Variants in COPS6 observed in about 807,000 individuals in gnomAD.
COPS6 encodes the protein COP9 signalosome subunit 6.
COPS6 carries 9 observed loss-of-function variants against 41.0 expected under a neutral mutation model. The ratio of observed to expected loss-of-function variants is 0.22; its 90% confidence interval spans 0.13 to 0.38. The LOEUF is 0.38. COPS6 is among the 10% of genes least tolerant of loss of function. COPS6 has a pLI of 1.00. For synonymous variants in COPS6, 179 were observed against 162.9 expected (o/e 1.10, Z -0.75); for missense variants, 302 against 436.7 (o/e 0.69, Z 2.75).
In COPS6 at chr7:100,089,084, G is replaced by T; in HGVS notation, c.76+18G>T. On this transcript the variant is annotated intron_variant, in intron 1 of 9. Transcript: ENST00000303904. ...TGCAGCAGGTAACGGGCCGTGCGGG[G>T]GTGGCTTCCGGAGACCTCCTTCAGG... 1 of 1,421,238 alleles carries T rather than the reference G, an allele frequency of 7.0e-7. No individual in the cohort carries two copies. The highest frequency in any genetic ancestry group is 1.6e-5 in the South Asian group (1 of 60,986). The allele number at this position is 1,421,238 out of a possible 1,614,324, so 88.0% of individuals were successfully genotyped here.
chr7:100,090,809 C>T, intron 5 of COPS6, 93 bp from the exon 6 acceptor site: 1 of 1,504,346 alleles, frequency 6.6e-7, no homozygotes, highest in Non-Finnish European at 9.2e-7. Context: ...ATCCCTACTT[C>T]ATTGGTTTCT....
chr7:100,090,569 T>C, intron 4 of COPS6, 23 bp from the exon 5 acceptor site: 1 of 1,612,714 alleles, frequency 6.2e-7, no homozygotes, highest in Non-Finnish European at 8.5e-7. Context: ...ACTGACTTCC[T>C]GTGCATTGTC....
At position 100,091,116 on chromosome 7, in the gene COPS6, C is replaced by G; in HGVS notation, c.613C>G (p.Arg205Gly). ...AERIGVDHVA[R>G]MTATGSGENS... ...ACGCATTGGTGTAGACCACGTAGCC[C>G]GAATGACAGCAACAGGCAGTGGAGA... Residue 205 changes from arginine to glycine, a missense_variant, in exon 7 of 10, where the codon CGA becomes GGA. Arg to Gly is a moderately radical substitution (Grantham distance 125). This residue lies in a region of COPS6 where 222 missense variants were observed against 309.0 expected (regional missense o/e 0.72). Transcript: ENST00000303904. This position sits in a 1 kb window ranked among gnomAD's most constrained non-coding sequence, Gnocchi z 4.1. 1 of 1,614,218 alleles carries G rather than the reference C, an allele frequency of 6.2e-7. No individual in the cohort carries two copies. The highest frequency in any genetic ancestry group is 1.1e-5 in the South Asian group (1 of 91,078).
chr7:100,091,048 T>C lies in COPS6; in HGVS notation c.545T>C (p.Leu182Pro). Residue 182 changes from leucine (L) to proline (P), a missense_variant, in exon 7 of 10, where the codon CTG becomes CCG. Physicochemically the swap from Leu to Pro is moderately conservative, Grantham distance 98. Around this residue, in one of 3 missense-constraint regions of COPS6, gnomAD observed 222 missense variants for 309.0 expected, o/e 0.72. Coordinates refer to ENST00000303904, the MANE Select transcript of COPS6 (RefSeq NM_006833.5). This position sits in a 1 kb window ranked among gnomAD's most constrained non-coding sequence, Gnocchi z 4.1. ...IDIINGEATM[L>P]FAELTYTLAT... ...TACCTTGCCCTGTAGGCCACAATGCTGTTTGCTGAGCTGACCTACACTCTG... is the reference window on the plus strand; with the variant it reads ...TACCTTGCCCTGTAGGCCACAATGCCGTTTGCTGAGCTGACCTACACTCTG... The C allele has an allele frequency of 6.2e-7, 1 of 1,614,232 alleles. No homozygotes were observed. The highest frequency in any genetic ancestry group is 8.5e-7 in the Non-Finnish European group (1 of 1,180,040).
Position 100,091,401 on chromosome 7 carries a change from T to A in COPS6, c.743-19T>A, listed in dbSNP as rs1795315569. On this transcript the variant is annotated intron_variant, in intron 8 of 9. Transcript: ENST00000303904. The surrounding 1 kb of genome is among the most constrained non-coding windows in gnomAD (Gnocchi z 4.1). ...AGTGACAGCATCCAAACTAATGTAGTCTCTTTTTGTGCCTTTAGGAGAGGT... is the reference window on the plus strand; with the variant it reads ...AGTGACAGCATCCAAACTAATGTAGACTCTTTTTGTGCCTTTAGGAGAGGT... The A allele has an allele frequency of 2.5e-6, 4 of 1,613,178 alleles. No individual in the cohort carries two copies. The East Asian group carries it at 8.9e-5, about 36-fold the overall frequency.
Position 100,088,973 on chromosome 7 carries a change from C to T in COPS6, c.-18C>T, listed in dbSNP as rs1163849644. 18 of 1,319,552 alleles carry T rather than the reference C, an allele frequency of 1.4e-5. No homozygotes were observed. The highest frequency in any genetic ancestry group is 1.6e-5 in the Non-Finnish European group (17 of 1,033,418). The allele number at this position is 1,319,552 out of a possible 1,614,324, so 81.7% of individuals were successfully genotyped here. Reference sequence around the variant, plus strand: ...GGGAAGGAAGGGGGCGGGGCCGAGGCTGGCGGGCGCGGGGAAAATGGCGGC... The same window carrying T: ...GGGAAGGAAGGGGGCGGGGCCGAGGTTGGCGGGCGCGGGGAAAATGGCGGC... On this transcript the variant is annotated 5_prime_UTR_variant, in exon 1 of 10. Transcript: ENST00000303904.
chr7:100,091,739 C>A lies in COPS6; in HGVS notation c.934C>A (p.Leu312Ile). The A allele has an allele frequency of 6.2e-7, 1 of 1,614,230 alleles. No individual in the cohort carries two copies. Among genetic ancestry groups the A allele is most frequent in the Non-Finnish European group, 8.5e-7 (1 of 1,180,040 alleles). The part of the protein sequence containing the change: ...MNQFVNKFNV[L>I]YDRQGIGRRM... The stretch of plus-strand genomic sequence containing the variant: ...CCAGTTTGTGAACAAGTTCAATGTC[C>A]TCTACGACCGACAAGGCATCGGCAG... The change falls in exon 10 of 10, where the codon CTC becomes ATC. Residue 312 changes from leucine to isoleucine, a missense_variant. By Grantham distance (5) the Leu-to-Ile change is conservative. Coordinates refer to ENST00000303904, the MANE Select transcript of COPS6 (RefSeq NM_006833.5). This position sits in a 1 kb window ranked among gnomAD's most constrained non-coding sequence, Gnocchi z 4.1.
Position 100,091,521 on chromosome 7 carries a change from G to GT in COPS6, c.843+2dup. On this transcript the variant is annotated splice_donor_variant, in intron 9 of 9. Coordinates refer to ENST00000303904, the MANE Select transcript of COPS6 (RefSeq NM_006833.5). LOFTEE classifies it high-confidence loss of function. The surrounding 1 kb of genome is among the most constrained non-coding windows in gnomAD (Gnocchi z 4.1). ...CAAGTTCAAGACAGATTTTTATGAT[G>GT]TGAGTGTAAAACCCGGATGGGGAGG... 1 of 1,614,066 alleles carries GT rather than the reference G, an allele frequency of 6.2e-7. No individual in the cohort carries two copies. The highest frequency in any genetic ancestry group is 1.3e-5 in the African/African-American group (1 of 75,044).
chr7:100,090,847 G>A, intron 5 of COPS6, 55 bp from the exon 6 acceptor site: 1 of 1,593,688 alleles, frequency 6.3e-7, no homozygotes, highest in East Asian at 2.2e-5. Flanking sequence ...ATGTGTAAAA[G>A]CAGCTAGCCC....
chr7:100,089,085 G>A lies in COPS6; in HGVS notation c.76+19G>A, dbSNP rs1347535218. 7.0e-7 allele frequency: 1 copy of A among 1,421,214 alleles called. No individual in the cohort carries two copies. The highest frequency in any genetic ancestry group is 1.8e-4 in the Middle Eastern group (1 of 5,444). 88.0% of individuals were successfully genotyped at this position (1,421,214 alleles called of 1,614,324 possible). ...GCAGCAGGTAACGGGCCGTGCGGGG[G>A]TGGCTTCCGGAGACCTCCTTCAGGG... is the stretch of plus-strand genomic sequence containing the variant. On this transcript the variant is annotated intron_variant, in intron 1 of 9. Coordinates refer to ENST00000303904, the MANE Select transcript of COPS6 (RefSeq NM_006833.5).
intron 3 of COPS6, 185 bp downstream of exon 3, chr7:100,089,931 A>G (rs1011461118): frequency 1.7e-5 from 10 of 594,138 alleles, no homozygotes; most frequent in Non-Finnish European, 2.3e-5. Flanking sequence ...AAAGAAAGCA[A>G]AGGATGAGAG....
Position 100,091,660 on chromosome 7 carries a change from C to T in COPS6, c.855C>T (p.Asp285=), listed in dbSNP as rs139971845. 4,650 of 1,614,198 alleles carry T rather than the reference C, an allele frequency of 2.9e-3. 11 individuals are homozygous for T. Among genetic ancestry groups the T allele is most frequent in the Non-Finnish European group, 3.6e-3 (4,261 of 1,180,042 alleles). ...FKTDFYDQCN[D]VGLMAYLGTI... ...CTGTTCCCTCCCAGCAATGCAACGACGTGGGGCTCATGGCCTACCTCGGCA... is the reference window on the plus strand; with the variant it reads ...CTGTTCCCTCCCAGCAATGCAACGATGTGGGGCTCATGGCCTACCTCGGCA... The change falls in exon 10 of 10, where the codon GAC becomes GAT. Residue 285 remains aspartate, a synonymous_variant. Transcript: ENST00000303904. This position sits in a 1 kb window ranked among gnomAD's most constrained non-coding sequence, Gnocchi z 4.1.
chr7:100,089,027 G>C lies in COPS6; in HGVS notation c.37G>C (p.Gly13Arg), dbSNP rs1584478633. The change falls in exon 1 of 10, where the codon GGG (glycine) becomes CGG (arginine). Residue 13 changes from glycine to arginine, a missense_variant. Physicochemically the swap from Gly to Arg is moderately radical, Grantham distance 125. Around this residue, in one of 3 missense-constraint regions of COPS6, gnomAD observed 76 missense variants for 97.9 expected, o/e 0.78. Coordinates refer to ENST00000303904, the MANE Select transcript of COPS6 (RefSeq NM_006833.5). ...AAAAAAAATN[G>R]TGGSSGMEVD... ...GGCGGCGGCGGCTGCAGCTACGAACGGGACCGGAGGAAGCAGCGGGATGGA... is the reference window on the plus strand; with the variant it reads ...GGCGGCGGCGGCTGCAGCTACGAACCGGACCGGAGGAAGCAGCGGGATGGA... 7.5e-7 allele frequency: 1 copy of C among 1,326,852 alleles called. No homozygotes were observed. Among genetic ancestry groups the C allele is most frequent in the Non-Finnish European group, 9.7e-7 (1 of 1,035,124 alleles). The allele number at this position is 1,326,852 out of a possible 1,614,324, so 82.2% of individuals were successfully genotyped here. A position where few individuals can be genotyped will look rare whatever the true frequency, so the allele number is the denominator to read the frequency against.
In COPS6 at chr7:100,091,403, T is replaced by C; in HGVS notation, c.743-17T>C. 3 of 1,613,376 alleles carry C rather than the reference T, an allele frequency of 1.9e-6. No individual in the cohort carries two copies. Among genetic ancestry groups the C allele is most frequent in the Non-Finnish European group, 2.5e-6 (3 of 1,179,288 alleles). ...TGACAGCATCCAAACTAATGTAGTC[T>C]CTTTTTGTGCCTTTAGGAGAGGTCC... is the stretch of plus-strand genomic sequence containing the variant. On this transcript the variant is annotated splice_polypyrimidine_tract_variant and intron_variant, in intron 8 of 9. Transcript: ENST00000303904. This position sits in a 1 kb window ranked among gnomAD's most constrained non-coding sequence, Gnocchi z 4.1.
chr7:100,090,857 C>G lies in COPS6; in HGVS notation c.487-45C>G, dbSNP rs113847876. ...AGGAAATGTGTAAAAGCAGCTAGCCCAAATGTTGGCATATAGTGTTCAGGT... is the reference window on the plus strand; with the variant it reads ...AGGAAATGTGTAAAAGCAGCTAGCCGAAATGTTGGCATATAGTGTTCAGGT... On this transcript the variant is annotated intron_variant, in intron 5 of 9. Coordinates refer to ENST00000303904, the MANE Select transcript of COPS6 (RefSeq NM_006833.5). 1.1e-5 allele frequency: 17 copies of G among 1,607,692 alleles called. No individual in the cohort carries two copies. In the African/African-American group the frequency reaches 1.1e-4, roughly 10 times the overall value.
Position 100,091,702 on chromosome 7 carries a change from C to T in COPS6, c.897C>T (p.Cys299=). The T allele has an allele frequency of 4.3e-6, 7 of 1,614,238 alleles. No individual in the cohort carries two copies. Among genetic ancestry groups the T allele is most frequent in the Non-Finnish European group, 5.1e-6 (6 of 1,180,052 alleles). ...ACCTCGGCACCATCACCAAAACGTG[C>T]AACACCATGAACCAGTTTGTGAACA... is the stretch of plus-strand genomic sequence containing the variant. ...MAYLGTITKT[C]NTMNQFVNKF... The change falls in exon 10 of 10, where the codon TGC becomes TGT. Residue 299 remains cysteine, a synonymous_variant. Transcript: ENST00000303904. This position sits in a 1 kb window ranked among gnomAD's most constrained non-coding sequence, Gnocchi z 4.1.
chr7:100,091,421 A>G lies in COPS6; in HGVS notation c.744A>G (p.Gly248=). 6.2e-7 allele frequency: 1 copy of G among 1,614,028 alleles called. No homozygotes were observed. Among genetic ancestry groups the G allele is most frequent in the Non-Finnish European group, 8.5e-7 (1 of 1,179,908 alleles). The part of the protein sequence containing the change: ...ILEYVKASEA[G]EVPFNHEILR... ...TGTAGTCTCTTTTTGTGCCTTTAGG[A>G]GAGGTCCCCTTTAATCATGAGATCC... The change falls in exon 9 of 10, where the codon GGA becomes GGG. Residue 248 remains glycine, a splice_region_variant and synonymous_variant. Coordinates refer to ENST00000303904, the MANE Select transcript of COPS6 (RefSeq NM_006833.5). This position sits in a 1 kb window ranked among gnomAD's most constrained non-coding sequence, Gnocchi z 4.1.
chr7:100,091,755 G>T lies in COPS6; in HGVS notation c.950G>T (p.Gly317Val). 6.2e-7 allele frequency: 1 copy of T among 1,614,224 alleles called. No homozygotes were observed. Among genetic ancestry groups the T allele is most frequent in the Admixed American group, 1.7e-5 (1 of 60,028 alleles). Reference sequence around the variant, plus strand: ...TTCAATGTCCTCTACGACCGACAAGGCATCGGCAGGAGAATGCGCGGGCTC... The same window carrying T: ...TTCAATGTCCTCTACGACCGACAAGTCATCGGCAGGAGAATGCGCGGGCTC... ...NKFNVLYDRQGIGRRMRGLFF is the reference protein window; with the variant it reads ...NKFNVLYDRQVIGRRMRGLFF The change falls in exon 10 of 10, where the codon GGC (glycine) becomes GTC (valine). Residue 317 changes from glycine (G) to valine (V), a missense_variant. This residue lies in a region of COPS6 where 222 missense variants were observed against 309.0 expected (regional missense o/e 0.72). Transcript: ENST00000303904. The surrounding 1 kb of genome is among the most constrained non-coding windows in gnomAD (Gnocchi z 4.1).
In COPS6 at chr7:100,091,026, C is replaced by T; in HGVS notation, c.535-12C>T. On this transcript the variant is annotated splice_polypyrimidine_tract_variant and intron_variant, in intron 6 of 9. Transcript: ENST00000303904. The surrounding 1 kb of genome is among the most constrained non-coding windows in gnomAD (Gnocchi z 4.1). ...TTTTGATTCTCCCTTTGTGGGTTAC[C>T]TTGCCCTGTAGGCCACAATGCTGTT... 6.2e-7 allele frequency: 1 copy of T among 1,614,118 alleles called. No individual in the cohort carries two copies. Among genetic ancestry groups the T allele is most frequent in the Non-Finnish European group, 8.5e-7 (1 of 1,179,930 alleles).
Sources: gnomAD v4.1 joint callset for allele counts on GRCh38, gnomAD v4.1.1 for gene constraint, gnomAD v4.1.1 regional missense constraint, Gnocchi (gnomAD v3.1) non-coding constraint, MANE v1.5 for transcripts, NCBI Gene and HGNC (gene_info 2026-07-23, HGNC 2026-07-21) for gene names.